Variants in FYN observed in about 807,000 individuals in gnomAD.
FYN encodes the protein FYN proto-oncogene, Src family tyrosine kinase.
FYN carries 10 observed loss-of-function variants against 70.2 expected under a neutral mutation model. The ratio of observed to expected loss-of-function variants is 0.14; its 90% CI spans 0.09 to 0.24. The LOEUF (loss-of-function observed/expected upper bound fraction) is 0.24, where lower values mean the gene tolerates loss of function less well. FYN is among the 10% of genes least tolerant of loss of function. The probability of loss-of-function intolerance (pLI) is 1.00; values close to 1 mark genes in which losing one functional copy is unlikely to be tolerated. For synonymous variants in FYN, 236 were observed against 248.6 expected, an observed-to-expected ratio of 0.95 and a Z score of 0.48; for missense variants, 319 against 673.1, an observed-to-expected ratio of 0.47 and a Z score of 5.82.
At chr6:111,730,002 T>C (rs1327527254) in intron 3 of FYN, among the ~76,000 whole-genome samples, 1 of 152,220 alleles carries the variant, frequency 6.6e-6, no homozygotes, top group Non-Finnish European at 1.5e-5. Context: ...TTGAAACAAC[T>C]ACACATTGAT....
intron 3 of FYN, among the ~76,000 whole-genome samples, chr6:111,765,159 T>G (rs1397939059): frequency 1.3e-5 from 2 of 152,016 alleles, no homozygotes; most frequent in Non-Finnish European, 2.9e-5. Flanking sequence ...TGTGCACACA[T>G]GAGCACACAC....
In FYN at chr6:111,784,009, T is replaced by G. The variant is rs1174561287; in HGVS notation, c.-81-3374A>C. On this transcript the variant is annotated intron_variant, in intron 2 of 13. Coordinates refer to ENST00000354650, the MANE Select transcript of FYN (RefSeq NM_002037.5). ...CTACTGCCAGTGATTGGTTTAAGAATAAGCATGTGGCCCAATTTAAGCCAA... is the reference window on the plus strand; with the variant it reads ...CTACTGCCAGTGATTGGTTTAAGAAGAAGCATGTGGCCCAATTTAAGCCAA... Among the ~76,000 whole-genome samples the G allele has an allele frequency of 3.9e-5, 6 of 152,312 alleles. No individual in the cohort carries two copies. The East Asian group carries it at 1.2e-3, about 29-fold the overall frequency.
At chr6:111,779,120 C>CTTT (rs776994144) in intron 3 of FYN, among the ~76,000 whole-genome samples, 28 of 112,554 alleles carry the variant, frequency 2.5e-4, no homozygotes, top group South Asian at 6.2e-4. Context: ...CAGTAGGAGA[C>CTTT]ATTTTTTTTT....
chr6:111,777,484 G>A (rs913989031), intron 3 of FYN, among the ~76,000 whole-genome samples: 5 of 151,946 alleles, frequency 3.3e-5, no homozygotes, highest in Admixed American at 2.0e-4. Context: ...ATGTGTGCAC[G>A]AGTGTGCGTT....
intron 3 of FYN, among the ~76,000 whole-genome samples, chr6:111,757,838 T>C (rs552009066): frequency 6.6e-6 from 1 of 152,330 alleles, no homozygotes; most frequent in East Asian, 1.9e-4. Flanking sequence ...TTACTGTATA[T>C]CCAGGTATGT....
intron 1 of FYN, among the ~76,000 whole-genome samples, chr6:111,859,323 T>C (rs530687442): frequency 2.6e-5 from 4 of 152,320 alleles, no homozygotes; most frequent in South Asian, 4.1e-4. Context: ...GTGACAAGTA[T>C]TACCAGGCAG....
intron 12 of FYN, among the ~76,000 whole-genome samples, chr6:111,692,325 T>C (rs1009056118): frequency 4.0e-5 from 6 of 151,876 alleles, no homozygotes; most frequent in Non-Finnish European, 5.9e-5. Flanking sequence ...CCTGGGGACA[T>C]GATGGTGCAG....
intron 3 of FYN, among the ~76,000 whole-genome samples, chr6:111,722,904 C>T (rs546435645): frequency 2.0e-5 from 3 of 152,196 alleles, no homozygotes; most frequent in Non-Finnish European, 4.4e-5. Context: ...AGCTGTTTCC[C>T]TTACATGGAT....
At chr6:111,728,923 T>C (rs1801318486) in intron 3 of FYN, among the ~76,000 whole-genome samples, 1 of 152,162 alleles carries the variant, frequency 6.6e-6, no homozygotes, top group Non-Finnish European at 1.5e-5. Context: ...AAACATATAT[T>C]GGCAACAAAA....
At chr6:111,761,998 T>C (rs1244038186) in intron 3 of FYN, among the ~76,000 whole-genome samples, 1 of 152,192 alleles carries the variant, frequency 6.6e-6, no homozygotes, top group Non-Finnish European at 1.5e-5. Flanking sequence ...ATGTTTTTTA[T>C]GTGAAGAAAT....
intron 3 of FYN, among the ~76,000 whole-genome samples, chr6:111,753,073 T>C (rs1204856925): frequency 2.0e-5 from 3 of 152,236 alleles, no homozygotes; most frequent in Admixed American, 2.0e-4. Context: ...GAAATCTCAA[T>C]ATCAATTAGT....
intron 2 of FYN, among the ~76,000 whole-genome samples, chr6:111,811,068 C>T (rs958889710): frequency 5.9e-5 from 9 of 152,142 alleles, no homozygotes; most frequent in South Asian, 4.1e-4. Context: ...CAACCTTGCC[C>T]GGCACCAGCT....
chr6:111,731,703 C>T (rs534259938), intron 3 of FYN, among the ~76,000 whole-genome samples: 30 of 152,292 alleles, frequency 2.0e-4, no homozygotes, highest in South Asian at 6.2e-4. Context: ...TCTAATTCCA[C>T]GGCCTCTATG....
intron 3 of FYN, chr6:111,754,693 T>A (rs1010923723): frequency 1.3e-5 from 2 of 151,936 alleles, no homozygotes; most frequent in African/African-American, 2.4e-5. Flanking sequence ...GGGAGAGAAA[T>A]CGTATGATGG....
At chr6:111,691,054 T>C (rs1200400386) in intron 12 of FYN, among the ~76,000 whole-genome samples, 1 of 152,116 alleles carries the variant, frequency 6.6e-6, no homozygotes, top group East Asian at 1.9e-4. Flanking sequence ...TGTAATTGAG[T>C]GAGATGTCCA....
intron 3 of FYN, among the ~76,000 whole-genome samples, chr6:111,721,615 G>A (rs941050727): frequency 6.6e-6 from 1 of 151,988 alleles, no homozygotes; most frequent in Non-Finnish European, 1.5e-5. Context: ...ATGTTGGTCA[G>A]GCTGGTCTTG....
chr6:111,686,484 G>A (rs1426204470), intron 12 of FYN, among the ~76,000 whole-genome samples: 1 of 152,128 alleles, frequency 6.6e-6, no homozygotes, highest in African/African-American at 2.4e-5. Context: ...GGGCTGGGGA[G>A]GTGGGGGTTG....
chr6:111,872,047 G>A (rs1053998580), intron 1 of FYN, among the ~76,000 whole-genome samples: 3 of 152,190 alleles, frequency 2.0e-5, no homozygotes, highest in Admixed American at 2.0e-4. Flanking sequence ...TCCTCTCTAT[G>A]CACTGAAAGG....
chr6:111,696,812 C>A (rs1485748967), intron 9 of FYN: 3 of 166,696 alleles, frequency 1.8e-5, no homozygotes, highest in Non-Finnish European at 3.9e-5. Flanking sequence ...ACAGGCCTGG[C>A]CATCTAATAG....
Sources: gnomAD v4.1 joint callset for allele counts (sites outside exome capture counted in the v4.1 genomes callset) on GRCh38, gnomAD v4.1.1 for gene constraint, MANE v1.5 for transcripts, NCBI Gene and HGNC (gene_info 2026-07-23, HGNC 2026-07-21) for gene names.